The following APCDD1 variants were observed in gnomAD, a reference collection of about 807,000 sequenced individuals.
APCDD1 encodes protein APCDD1.
A neutral mutation model predicts 38.1 loss-of-function variants in APCDD1; 15 were observed. The observed-to-expected ratio is 0.39, with a 90% CI of 0.26 to 0.61. APCDD1 has a LOEUF of 0.61. Among genes scored for constraint, APCDD1 ranks in the 20% least tolerant of loss-of-function variants. The pLI, the probability that APCDD1 is intolerant of heterozygous loss-of-function variation, is 0.49. For synonymous variants in APCDD1, 261 were observed against 279.7 expected, an observed-to-expected ratio of 0.93 and a Z score of 0.67; for missense variants, 647 against 696.2, an observed-to-expected ratio of 0.93 and a Z score of 0.79.
At chr18:10,457,516 T>C (rs545653587) in intron 1 of APCDD1, among the ~76,000 whole-genome samples, 98 of 152,354 alleles carry the variant, frequency 6.4e-4, no homozygotes, top group Non-Finnish European at 1.3e-3. Context: ...TCCTGATAAA[T>C]AGGCATTTTA....
intron 2 of APCDD1, 84 bp downstream of exon 2, chr18:10,468,736 C>G (rs2030779844): frequency 7.2e-7 from 1 of 1,382,948 alleles, no homozygotes; most frequent in Non-Finnish European, 1.0e-6. Flanking sequence ...GATGCAGAGA[C>G]TTTATATCAT....
rs550665117 is a variant in APCDD1, at chr18:10,485,983, C to T, written c.1096+200C>T. Among the ~76,000 whole-genome samples, 5 of 152,348 alleles carry T rather than the reference C, an allele frequency of 3.3e-5. No individual in the cohort carries two copies. The highest frequency in any genetic ancestry group is 1.2e-4 in the African/African-American group (5 of 41,576). ...AAATGGATCAGGTGGACAGCCTCCA[C>T]TTGCAGGCCTGAATGCGAGAGGAGT... On this transcript the variant is annotated intron_variant, in intron 4 of 4. Coordinates refer to ENST00000355285, the MANE Select transcript of APCDD1 (RefSeq NM_153000.5). This position sits in a 1 kb window ranked among gnomAD's most constrained non-coding sequence, Gnocchi z 5.8.
intron 3 of APCDD1, chr18:10,477,881 A>G (rs2143549461): frequency 6.6e-6 from 1 of 152,338 alleles, no homozygotes; most frequent in East Asian, 1.9e-4. Context: ...TTCGGAAACC[A>G]TTCTTAAAGT....
At position 10,454,835 on chromosome 18, in the gene APCDD1, C is replaced by T. The variant is rs2030325852; in HGVS notation, c.-147C>T. ...GCGCCCCGCAGCCCCGCGCCTAGCCCGCCGGGCATGGGGCGCGCGGCAGCC... is the reference window on the plus strand; with the variant it reads ...GCGCCCCGCAGCCCCGCGCCTAGCCTGCCGGGCATGGGGCGCGCGGCAGCC... On this transcript the variant is annotated 5_prime_UTR_variant, in exon 1 of 5. Transcript: ENST00000355285. 1 of 1,010,932 alleles carries T rather than the reference C, an allele frequency of 9.9e-7. No individual in the cohort carries two copies. The highest frequency in any genetic ancestry group is 1.2e-6 in the Non-Finnish European group (1 of 847,840). The allele number at this position is 1,010,932 out of a possible 1,614,324, so 62.6% of individuals were successfully genotyped here.
Position 10,489,449 on chromosome 18 carries a change from C to T in APCDD1, c.*1411C>T, listed in dbSNP as rs1167144695. ...GGTGTGATGGCTCACGCCGTAACCCCAGCACTTTGGGAGACCAAGGAGGGT... is the reference window on the plus strand; with the variant it reads ...GGTGTGATGGCTCACGCCGTAACCCTAGCACTTTGGGAGACCAAGGAGGGT... On this transcript the variant is annotated 3_prime_UTR_variant, in exon 5 of 5. Transcript: ENST00000355285. The T allele has an allele frequency of 6.6e-6, 1 of 152,262 alleles. No homozygotes were observed. The highest frequency in any genetic ancestry group is 1.9e-4 in the East Asian group (1 of 5,188). 9.4% of individuals were successfully genotyped at this position (152,262 alleles called of 1,614,324 possible).
At chr18:10,455,216 C>T (rs901091673) in intron 1 of APCDD1, among the ~76,000 whole-genome samples, 177 bp downstream of exon 1, 2 of 152,196 alleles carry the variant, frequency 1.3e-5, no homozygotes, top group Non-Finnish European at 2.9e-5. Context: ...GGGCTCTGCC[C>T]ACTTTCCGAG....
rs780068149 is a variant in APCDD1, at chr18:10,472,082, C to G, written c.774+21C>G. 1.2e-6 allele frequency: 2 copies of G among 1,612,606 alleles called. No homozygotes were observed. Among genetic ancestry groups the G allele is most frequent in the Non-Finnish European group, 1.7e-6 (2 of 1,179,996 alleles). ...CCAAGGTACCTCAGAGCTCTGTGTT[C>G]TCCTCTTTATTGAGTAAAGTGGGTG... On this transcript the variant is annotated intron_variant, in intron 3 of 4. Transcript: ENST00000355285. This position sits in a 1 kb window ranked among gnomAD's most constrained non-coding sequence, Gnocchi z 6.6.
intron 1 of APCDD1, among the ~76,000 whole-genome samples, chr18:10,466,645 G>C (rs1404965112): frequency 6.6e-6 from 1 of 152,350 alleles, no homozygotes; most frequent in South Asian, 2.1e-4. Flanking sequence ...ATGAGGGAGG[G>C]GGAGGGAATG....
At position 10,483,737 on chromosome 18, in the gene APCDD1, T is replaced by C. The variant is rs529239247; in HGVS notation, c.775-1725T>C. Among the ~76,000 whole-genome samples, 31 of 152,298 alleles carry C rather than the reference T, an allele frequency of 2.0e-4. No homozygotes were observed. The South Asian group carries it at 5.6e-3, about 27-fold the overall frequency. ...GGACAGATGTGAGGCCATGAACTGATGGCATGGGAGCACGGGGCTGGGGTG... is the reference window on the plus strand; with the variant it reads ...GGACAGATGTGAGGCCATGAACTGACGGCATGGGAGCACGGGGCTGGGGTG... On this transcript the variant is annotated intron_variant, in intron 3 of 4. Transcript: ENST00000355285.
chr18:10,485,599 C>G lies in APCDD1; in HGVS notation c.912C>G (p.Pro304=), dbSNP rs369440825. 3 of 1,614,010 alleles carry G rather than the reference C, an allele frequency of 1.9e-6. No individual in the cohort carries two copies. The highest frequency in any genetic ancestry group is 2.5e-6 in the Non-Finnish European group (3 of 1,180,010). Residue 304 remains proline (P), a synonymous_variant, in exon 4 of 5, where the codon CCC becomes CCG. Transcript: ENST00000355285. The surrounding 1 kb of genome is among the most constrained non-coding windows in gnomAD (Gnocchi z 5.8). ...EWVSQRCEVR[P]EVLFLTRHFI... is the part of the protein sequence containing the mutation. ...TGAGCCAGCGCTGTGAGGTGCGCCC[C>G]GAAGTCCTCTTCCTCACCCGCCACT...
intron 1 of APCDD1, among the ~76,000 whole-genome samples, chr18:10,456,467 A>T (rs1456322508): frequency 2.0e-5 from 3 of 152,170 alleles, no homozygotes; most frequent in Non-Finnish European, 2.9e-5. Flanking sequence ...TGTCCCCCTT[A>T]AAAAAATTGT....
chr18:10,464,931 G>A (rs2030669973), intron 1 of APCDD1, among the ~76,000 whole-genome samples: 1 of 152,086 alleles, frequency 6.6e-6, no homozygotes, highest in African/African-American at 2.4e-5. Context: ...TAGTTAGAGG[G>A]GACTTTTTGA....
At chr18:10,460,537 AAAAAAAAAC>A (rs1177643879) in intron 1 of APCDD1, among the ~76,000 whole-genome samples, 4 of 151,888 alleles carry the variant, frequency 2.6e-5, no homozygotes, top group Non-Finnish European at 5.9e-5. Flanking sequence ...TGTCTCAAAA[AAAAAAAAAC>A]AAAAAACAAA....
intron 1 of APCDD1, among the ~76,000 whole-genome samples, chr18:10,456,549 G>T (rs1252133911): frequency 6.6e-6 from 1 of 152,132 alleles, no homozygotes; most frequent in Non-Finnish European, 1.5e-5. Context: ...TTAAAAAGTT[G>T]GCATGAACAG....
At position 10,471,869 on chromosome 18, in the gene APCDD1, C is replaced by T. The variant is rs529777826; in HGVS notation, c.582C>T (p.Asn194=). The T allele has an allele frequency of 2.7e-5, 43 of 1,614,156 alleles. No homozygotes were observed. Among genetic ancestry groups the T allele is most frequent in the South Asian group, 2.1e-4 (19 of 91,080 alleles). ...CCTATGACCTCTGGCGAGAGGAGAACGGCTGTGAGTGCACCAAGGCCGTGA... is the reference window on the plus strand; with the variant it reads ...CCTATGACCTCTGGCGAGAGGAGAATGGCTGTGAGTGCACCAAGGCCGTGA... ...DVAYDLWREE[N]GCECTKAVNF... The change falls in exon 3 of 5, where the codon AAC becomes AAT. Residue 194 remains asparagine, a synonymous_variant. Transcript: ENST00000355285. The surrounding 1 kb of genome is among the most constrained non-coding windows in gnomAD (Gnocchi z 5.5).
intron 1 of APCDD1, among the ~76,000 whole-genome samples, chr18:10,464,345 G>C (rs62093511): frequency 0.022 from 1,722 of 79,412 alleles, 32 homozygotes; most frequent in African/African-American, 0.087. Context: ...CACACACACA[G>C]ACACACACAC....
chr18:10,485,737 C>T lies in APCDD1; in HGVS notation c.1050C>T (p.Gly350=), dbSNP rs61744718. 2.3e-4 allele frequency: 366 copies of T among 1,613,970 alleles called. 1 individual carries two copies. In the African/African-American group the frequency reaches 4.3e-3, roughly 19 times the overall value. Residue 350 remains glycine (G), a synonymous_variant, in exon 4 of 5, where the codon GGC becomes GGT. Coordinates refer to ENST00000355285, the MANE Select transcript of APCDD1 (RefSeq NM_153000.5). The surrounding 1 kb of genome is among the most constrained non-coding windows in gnomAD (Gnocchi z 5.8). ...ACGCCCGGGGCCGCTACAGCCGCGG[C>T]GTCCTCTCGTCCAGGGTCATGGGAG... ...SIYARGRYSR[G]VLSSRVMGGT...
chr18:10,477,491 A>G (rs577269482), intron 3 of APCDD1: 3 of 152,334 alleles, frequency 2.0e-5, no homozygotes, highest in Admixed American at 2.0e-4. Flanking sequence ...GAAACAGCTC[A>G]TTATATTTCT....
At chr18:10,461,475 T>G (rs2030539284) in intron 1 of APCDD1, among the ~76,000 whole-genome samples, 1 of 152,232 alleles carries the variant, frequency 6.6e-6, no homozygotes, top group Non-Finnish European at 1.5e-5. Context: ...GAACAGTCCC[T>G]GGAGAGCTTC....
Sources: gnomAD v4.1 joint callset for allele counts (sites outside exome capture counted in the v4.1 genomes callset) on GRCh38, gnomAD v4.1.1 for gene constraint, Gnocchi (gnomAD v3.1) non-coding constraint, MANE v1.5 for transcripts, NCBI Gene and HGNC (gene_info 2026-07-23, HGNC 2026-07-21) for gene names.